APMAP: variants seen among roughly 807,000 people sequenced by gnomAD.
APMAP encodes the protein adipocyte plasma membrane associated protein.
APMAP carries 33 observed loss-of-function variants against 43.6 expected under a neutral mutation model. The ratio of observed to expected loss-of-function variants is 0.76; its 90% CI spans 0.57 to 1.01. The LOEUF (loss-of-function observed/expected upper bound fraction) is 1.01, where lower values mean the gene tolerates loss of function less well. APMAP is among the 50% of genes least tolerant of loss of function. APMAP has a pLI of 0.00. For missense variants in APMAP, 498 were observed against 540.7 expected (o/e 0.92, Z 0.78); for synonymous variants, 224 against 216.7 (o/e 1.03, Z -0.30).
At chr20:24,980,839 G>A (rs2088098215) in intron 2 of APMAP, among the ~76,000 whole-genome samples, 1 of 151,616 alleles carries the variant, frequency 6.6e-6, no homozygotes, top group Admixed American at 6.6e-5. Flanking sequence ...ACGATGACAA[G>A]CAGAGCTGCC....
At chr20:24,975,775 T>C (rs894418994) in intron 3 of APMAP, among the ~76,000 whole-genome samples, 11 of 152,182 alleles carry the variant, frequency 7.2e-5, no homozygotes, top group African/African-American at 2.7e-4. Context: ...TTCAAGATTC[T>C]CTATAAAGCT....
At chr20:24,992,380 C>G (rs1187083349) in intron 1 of APMAP, among the ~76,000 whole-genome samples, 1 of 152,196 alleles carries the variant, frequency 6.6e-6, no homozygotes, top group Non-Finnish European at 1.5e-5. Context: ...GCAGGGTGCA[C>G]CCGAACCTGA....
chr20:24,974,783 C>T (rs1208777467), intron 3 of APMAP, among the ~76,000 whole-genome samples: 1 of 151,934 alleles, frequency 6.6e-6, no homozygotes, highest in Non-Finnish European at 1.5e-5. Context: ...GGGGTCAATG[C>T]CTCAAAAAAA....
intron 3 of APMAP, among the ~76,000 whole-genome samples, chr20:24,975,245 G>C (rs538359725): frequency 1.3e-5 from 2 of 152,242 alleles, no homozygotes; most frequent in South Asian, 2.1e-4. Context: ...AACTTTCTTT[G>C]TTTGCAAGTG....
chr20:24,986,919 G>C (rs919787017), intron 1 of APMAP, among the ~76,000 whole-genome samples: 1 of 152,242 alleles, frequency 6.6e-6, no homozygotes. Flanking sequence ...GAGTTTGAAA[G>C]CTCTGTGAAA....
At chr20:24,989,555 T>C (rs1181918225) in intron 1 of APMAP, among the ~76,000 whole-genome samples, 1 of 152,226 alleles carries the variant, frequency 6.6e-6, no homozygotes, top group Non-Finnish European at 1.5e-5. Context: ...GTGGAAAACC[T>C]GATAGCCCCA....
Position 24,963,985 on chromosome 20 carries a change from C to G in APMAP, c.1079G>C (p.Arg360Pro), listed in dbSNP as rs775710141. ...GCTGAGTTCTAGGACGAGGCTGTAC[C>G]GCGGCACAAACTTCATCACCGTCTC... Reference protein sequence around the residue: ...SQETVMKFVPRYSLVLELSDS... With the variant: ...SQETVMKFVPPYSLVLELSDS... Residue 360 changes from arginine to proline, a missense_variant, in exon 9 of 9, where the codon CGG becomes CCG. Physicochemically the swap from Arg to Pro is moderately radical, Grantham distance 103. Transcript: ENST00000217456. The G allele has an allele frequency of 8.7e-6, 14 of 1,614,206 alleles. No individual in the cohort carries two copies. The East Asian group carries it at 3.1e-4, about 36-fold the overall frequency.
intron 3 of APMAP, among the ~76,000 whole-genome samples, chr20:24,977,528 G>A (rs1337683413): frequency 6.6e-6 from 1 of 152,190 alleles, no homozygotes; most frequent in African/African-American, 2.4e-5. Flanking sequence ...CAAATGAGGT[G>A]GCAGAGACAG....
At chr20:24,966,100 A>G (rs112796841) in intron 8 of APMAP, among the ~76,000 whole-genome samples, 49 of 152,302 alleles carry the variant, frequency 3.2e-4, no homozygotes, top group African/African-American at 1.2e-3. Flanking sequence ...CTCCTCCACA[A>G]GGAACCAGGG....
intron 8 of APMAP, among the ~76,000 whole-genome samples, chr20:24,968,669 G>A (rs2087968213): frequency 6.6e-6 from 1 of 152,124 alleles, no homozygotes; most frequent in Admixed American, 6.5e-5. Context: ...AAGCCACGAT[G>A]GTGAGGGTGA....
chr20:24,976,549 G>A (rs186855081), intron 3 of APMAP, among the ~76,000 whole-genome samples: 81 of 152,306 alleles, frequency 5.3e-4, no homozygotes, highest in African/African-American at 1.9e-3. Flanking sequence ...CCAAATGCTG[G>A]CGAGGACATG....
At chr20:24,965,117 G>A (rs1432080745) in intron 8 of APMAP, among the ~76,000 whole-genome samples, 1 of 152,228 alleles carries the variant, frequency 6.6e-6, no homozygotes, top group African/African-American at 2.4e-5. Context: ...TGGGACCCAT[G>A]TCTGCCTGGC....
In APMAP at chr20:24,968,899, A is replaced by G. The variant is rs772312919; in HGVS notation, c.1034T>C (p.Ile345Thr). The change falls in exon 8 of 9, where the codon ATT becomes ACT. Residue 345 changes from isoleucine (I) to threonine (T), a missense_variant. Physicochemically the swap from Ile to Thr is moderately conservative, Grantham distance 89 (BLOSUM62 -1). Transcript: ENST00000217456. Reference protein sequence around the residue: ...LSERPWIKRMIFKLFSQETVM... With the variant: ...LSERPWIKRMTFKLFSQETVM... ...AACAGTTTTCACAGTTACCTTAAAA[A>G]TCATCCTTTTAATCCAGGGTCTCTC... The G allele has an allele frequency of 1.3e-6, 2 of 1,587,384 alleles. No individual in the cohort carries two copies. Among genetic ancestry groups the G allele is most frequent in the Non-Finnish European group, 1.7e-6 (2 of 1,169,190 alleles).
At chr20:24,972,687 G>C (rs1001191159) in intron 4 of APMAP, among the ~76,000 whole-genome samples, 4 of 149,570 alleles carry the variant, frequency 2.7e-5, no homozygotes, top group African/African-American at 5.0e-5. Flanking sequence ...GGTGCTCATT[G>C]CAAGTACCAC....
In APMAP at chr20:24,992,627, T is replaced by C; in HGVS notation, c.62A>G (p.Asp21Gly). The change falls in exon 1 of 9, where the codon GAT becomes GGT. Residue 21 changes from aspartate to glycine, a missense_variant. Asp to Gly is a moderately conservative substitution (Grantham distance 94, BLOSUM62 -1). Transcript: ENST00000217456. ...RPLRPQVVTD[D>G]DGQAPEAKDG... is the part of the protein sequence containing the mutation. ...CTTAGCCTCCGGGGCCTGGCCATCA[T>C]CGTCTGTGACGACCTGCGGCCGCAG... is the stretch of plus-strand genomic sequence containing the variant. 9.5e-6 allele frequency: 15 copies of C among 1,571,584 alleles called. No individual in the cohort carries two copies. The highest frequency in any genetic ancestry group is 1.3e-5 in the Non-Finnish European group (15 of 1,159,492).
chr20:24,982,413 T>C (rs1180623696), intron 2 of APMAP, among the ~76,000 whole-genome samples: 1 of 152,248 alleles, frequency 6.6e-6, no homozygotes, highest in Non-Finnish European at 1.5e-5. Flanking sequence ...CTTCCTTTCC[T>C]TCCTCATCAG....
intron 5 of APMAP, 120 bp downstream of exon 5, chr20:24,971,340 A>G (rs1490990852): frequency 2.2e-6 from 2 of 914,778 alleles, no homozygotes; most frequent in South Asian, 1.8e-5. Flanking sequence ...TGTTCAGTGA[A>G]TAAGAAATAT....
At chr20:24,990,675 T>C (rs777192779) in intron 1 of APMAP, among the ~76,000 whole-genome samples, 37 of 152,242 alleles carry the variant, frequency 2.4e-4, no homozygotes, top group Non-Finnish European at 4.1e-4. Flanking sequence ...TCCTGGCTTA[T>C]GTTGAACCCT....
chr20:24,992,675 T>A lies in APMAP; in HGVS notation c.14A>T (p.Asp5Val). 1 of 1,534,628 alleles carries A rather than the reference T, an allele frequency of 6.5e-7. No homozygotes were observed. Among genetic ancestry groups the A allele is most frequent in the Non-Finnish European group, 8.8e-7 (1 of 1,141,770 alleles). The change falls in exon 1 of 9, where the codon GAC (aspartate) becomes GTC (valine). Residue 5 changes from aspartate (D) to valine (V), a missense_variant. By Grantham distance (152) the Asp-to-Val change is radical. Coordinates refer to ENST00000217456, the MANE Select transcript of APMAP (RefSeq NM_020531.3). ...CAGGGGCCGGCGCTGTCGCAGCCCG[T>A]CCGCCTCGCTCATGGTACGGGCGCC... MSEA[D>V]GLRQRRPLRP... is the part of the protein sequence containing the mutation.
Sources: allele counts gnomAD v4.1 joint callset (sites outside exome capture counted in the v4.1 genomes callset), GRCh38; gene constraint gnomAD v4.1.1; transcripts MANE v1.5; gene names NCBI Gene and HGNC (gene_info 2026-07-23, HGNC 2026-07-21).